GYPB: variants seen among roughly 807,000 people sequenced by gnomAD.
GYPB encodes the protein glycophorin B (MNS blood group).
GYPB carries 13 observed loss-of-function variants against 15.3 expected under a neutral mutation model. That is an observed-to-expected ratio of 0.85 (90% CI 0.55 to 1.35). GYPB has a LOEUF of 1.35. Among genes scored for constraint, GYPB ranks in the 40% most tolerant of loss-of-function variants. The pLI, the probability that GYPB is intolerant of heterozygous loss-of-function variation, is 0.00. For missense variants in GYPB, 131 were observed against 108.3 expected, an observed-to-expected ratio of 1.21 and a Z score of -0.93; for synonymous variants, 38 against 36.9, an observed-to-expected ratio of 1.03 and a Z score of -0.11.
At chr4:144,014,011 A>G (rs990835496) in intron 1 of GYPB, among the ~76,000 whole-genome samples, 15 of 151,632 alleles carry the variant, frequency 9.9e-5, no homozygotes, top group Admixed American at 2.6e-4. Flanking sequence ...GATTCTCAGC[A>G]TCATTAGTTA....
intron 1 of GYPB, among the ~76,000 whole-genome samples, chr4:144,008,069 A>C (rs1728017315): frequency 1.3e-5 from 2 of 151,538 alleles, no homozygotes; most frequent in African/African-American, 4.9e-5. Flanking sequence ...ACCATTTTTA[A>C]AACAACTAGC....
intron 1 of GYPB, among the ~76,000 whole-genome samples, chr4:144,017,574 T>C (rs1367849581): frequency 4.0e-5 from 6 of 150,976 alleles, no homozygotes; most frequent in Admixed American, 3.9e-4. Context: ...AAGTGCCATT[T>C]AAGGCTTTAA....
intron 1 of GYPB, among the ~76,000 whole-genome samples, chr4:144,010,423 T>G (rs1488003515): frequency 1.3e-5 from 2 of 151,580 alleles, no homozygotes; most frequent in Non-Finnish European, 2.9e-5. Flanking sequence ...AAGCTATGAC[T>G]GTGCCGTTGC....
At chr4:144,004,935 C>A (rs1373490663) in intron 1 of GYPB, among the ~76,000 whole-genome samples, 3 of 151,758 alleles carry the variant, frequency 2.0e-5, no homozygotes, top group African/African-American at 4.9e-5. Flanking sequence ...AGCATTTAAG[C>A]AAACTCGTAA....
At chr4:144,003,622 A>T (rs1727734246) in intron 1 of GYPB, among the ~76,000 whole-genome samples, 1 of 151,598 alleles carries the variant, frequency 6.6e-6, no homozygotes, top group Admixed American at 6.6e-5. Context: ...TATGTAACTT[A>T]AGAAAATGAA....
At chr4:144,011,262 G>T (rs558386832) in intron 1 of GYPB, among the ~76,000 whole-genome samples, 1 of 150,970 alleles carries the variant, frequency 6.6e-6, no homozygotes, top group Non-Finnish European at 1.5e-5. Context: ...CGCCTGTATT[G>T]TCAGCTACTT....
downstream of GYPB, chr4:143,996,078 A>T (rs1727292813): frequency 7.8e-7 from 1 of 1,278,876 alleles, no homozygotes; most frequent in Admixed American, 2.9e-5. Context: ...AGCTTGAAAT[A>T]ACAAATCATG....
chr4:143,999,403 T>G lies in GYPB; in HGVS notation c.175+8A>C. The G allele has an allele frequency of 6.7e-7, 1 of 1,481,940 alleles. No individual in the cohort carries two copies. The highest frequency in any genetic ancestry group is 9.4e-7 in the Non-Finnish European group (1 of 1,067,800). 91.8% of individuals were successfully genotyped at this position (1,481,940 alleles called of 1,614,324 possible). On this transcript the variant is annotated splice_region_variant and intron_variant, in intron 3 of 4. Transcript: ENST00000502664. Reference sequence around the variant, plus strand: ...ATGACTTTTATTCTTTGTCAAATATTAACATACCTGGTACAGTGAAACGAT... The same window carrying G: ...ATGACTTTTATTCTTTGTCAAATATGAACATACCTGGTACAGTGAAACGAT...
intron 1 of GYPB, among the ~76,000 whole-genome samples, chr4:144,011,667 A>G (rs1728229033): frequency 6.6e-6 from 1 of 151,272 alleles, no homozygotes; most frequent in Non-Finnish European, 1.5e-5. Flanking sequence ...ACAAACACAG[A>G]AAGGATCTGA....
intron 1 of GYPB, among the ~76,000 whole-genome samples, chr4:144,013,672 A>G (rs1728336027): frequency 6.6e-6 from 1 of 150,690 alleles, no homozygotes; most frequent in Non-Finnish European, 1.5e-5. Context: ...CGCAAGAACA[A>G]AAAACCAGAC....
intron 1 of GYPB, among the ~76,000 whole-genome samples, chr4:144,009,400 G>A (rs1728096539): frequency 6.6e-6 from 1 of 150,616 alleles, no homozygotes; most frequent in Admixed American, 6.6e-5. Flanking sequence ...TAGGATTTGT[G>A]GGCCACAACT....
At chr4:144,000,579 C>T in intron 2 of GYPB, 1 of 332,214 alleles carries the variant, frequency 3.0e-6, no homozygotes, top group Non-Finnish European at 5.8e-6. Flanking sequence ...CCAGCAGCAG[C>T]TCCAGAATTT....
chr4:144,002,082 A>G (rs1205471826), intron 1 of GYPB, among the ~76,000 whole-genome samples: 1 of 151,090 alleles, frequency 6.6e-6, no homozygotes, highest in Non-Finnish European at 1.5e-5. Flanking sequence ...GTAATTAAAC[A>G]CTTTTTATTC....
chr4:143,996,393 A>T (rs573760520), intron 4 of GYPB, 89 bp from the exon 5 acceptor site: 1 of 1,545,996 alleles, frequency 6.5e-7, no homozygotes, highest in South Asian at 1.2e-5. Flanking sequence ...GTCACAGGCC[A>T]ATCCTTCACA....
chr4:144,005,588 A>C (rs2149961943), intron 1 of GYPB, among the ~76,000 whole-genome samples: 1 of 151,700 alleles, frequency 6.6e-6, no homozygotes, highest in East Asian at 1.9e-4. Flanking sequence ...AGCAATGCTG[A>C]GATGAGAGTC....
chr4:144,009,845 C>T (rs1728126691), intron 1 of GYPB, among the ~76,000 whole-genome samples: 2 of 150,526 alleles, frequency 1.3e-5, no homozygotes, highest in Admixed American at 6.6e-5. Context: ...GATCTCCTGA[C>T]CTCGTGATCC....
intron 1 of GYPB, among the ~76,000 whole-genome samples, chr4:144,001,574 A>G (rs574319036): frequency 1.3e-5 from 2 of 151,248 alleles, no homozygotes; most frequent in East Asian, 3.9e-4. Context: ...TTGCCTCAAA[A>G]TGTCATTGTG....
chr4:143,999,414 G>T lies in GYPB; in HGVS notation c.172C>A (p.Pro58Thr). ...TGQLVHRFTV[P>T]APVVIILIIL... ...TCTTTGTCAAATATTAACATACCTGGTACAGTGAAACGATGGACAAGTTGT... is the reference window on the plus strand; with the variant it reads ...TCTTTGTCAAATATTAACATACCTGTTACAGTGAAACGATGGACAAGTTGT... Residue 58 changes from proline to threonine, a missense_variant, in exon 3 of 5, where the codon CCA (proline) becomes ACA (threonine). Transcript: ENST00000502664. 6.6e-7 allele frequency: 1 copy of T among 1,519,634 alleles called. No homozygotes were observed. Among genetic ancestry groups the T allele is most frequent in the Non-Finnish European group, 9.1e-7 (1 of 1,099,736 alleles). 94.1% of individuals were successfully genotyped at this position (1,519,634 alleles called of 1,614,324 possible).
chr4:144,008,402 G>T (rs1407717557), intron 1 of GYPB: 1 of 455,312 alleles, frequency 2.2e-6, no homozygotes, highest in Non-Finnish European at 4.4e-6. Context: ...CTTGTTTATA[G>T]CCTGAGGGTA....
Sources: gnomAD v4.1 joint callset for allele counts (sites outside exome capture counted in the v4.1 genomes callset) on GRCh38, gnomAD v4.1.1 for gene constraint, MANE v1.5 for transcripts, NCBI Gene and HGNC (gene_info 2026-07-23, HGNC 2026-07-21) for gene names.